INTS6: variants seen among roughly 807,000 people sequenced by gnomAD.
INTS6 encodes the protein integrator complex subunit 6, also known as DEAD box protein.
A neutral mutation model predicts 104.9 loss-of-function variants in INTS6; 16 were observed. That is an observed-to-expected ratio of 0.15 (90% confidence interval 0.10 to 0.23). The LOEUF (loss-of-function observed/expected upper bound fraction) is 0.23. Ranked by LOEUF, INTS6 falls within the 10% of genes least tolerant of loss-of-function variation. The probability of loss-of-function intolerance (pLI) is 1.00; values close to 1 mark genes in which losing one functional copy is unlikely to be tolerated. For synonymous variants in INTS6, 324 were observed against 358.7 expected (o/e 0.90, Z 1.09); for missense variants, 584 against 1,062.8 (o/e 0.55, Z 6.26).
At chr13:51,432,810 T>C (rs772161845) in intron 3 of INTS6, among the ~76,000 whole-genome samples, 1 of 152,200 alleles carries the variant, frequency 6.6e-6, no homozygotes, top group Non-Finnish European at 1.5e-5. Flanking sequence ...ATCCACTATC[T>C]ACTCATTCGT....
chr13:51,411,708 A>C (rs1049402086), intron 4 of INTS6, among the ~76,000 whole-genome samples: 1 of 152,236 alleles, frequency 6.6e-6, no homozygotes, highest in Non-Finnish European at 1.5e-5. Context: ...GGACTCTCAT[A>C]CATTCCTGGT....
At chr13:51,423,701 C>T (rs920865279) in intron 4 of INTS6, among the ~76,000 whole-genome samples, 10 of 152,068 alleles carry the variant, frequency 6.6e-5, no homozygotes, top group African/African-American at 2.2e-4. Context: ...CTTGGAAACC[C>T]GTTCCCAAAT....
Position 51,361,750 on chromosome 13 carries a change from A to G in INTS6, c.*4002T>C. 1 of 1,422,158 alleles carries G rather than the reference A, an allele frequency of 7.0e-7. No individual in the cohort carries two copies. Among genetic ancestry groups the G allele is most frequent in the South Asian group, 1.3e-5 (1 of 75,494 alleles). 88.1% of individuals were successfully genotyped at this position (1,422,158 alleles called of 1,614,324 possible). On this transcript the variant is annotated 3_prime_UTR_variant, in exon 18 of 18. Transcript: ENST00000311234. Reference sequence around the variant, plus strand: ...AAAAAATTAACTTACTTCATAACCAATAGTTATTTTCTTAAAAATGCACAG... The same window carrying G: ...AAAAAATTAACTTACTTCATAACCAGTAGTTATTTTCTTAAAAATGCACAG...
At chr13:51,340,356 A>T in the INTS6 span, among the ~76,000 whole-genome samples, 2 of 152,212 alleles carry the variant, frequency 1.3e-5, no homozygotes, top group African/African-American at 4.8e-5. Context: ...TGGGGTAGGA[A>T]CTATCTTTGT....
intron 4 of INTS6, chr13:51,421,367 A>C: frequency 3.4e-6 from 3 of 872,918 alleles, no homozygotes; most frequent in Non-Finnish European, 4.1e-6. Context: ...AACCACAACA[A>C]ACAAAACAAA....
chr13:51,435,475 G>A (rs1957170133), intron 3 of INTS6, among the ~76,000 whole-genome samples: 1 of 151,754 alleles, frequency 6.6e-6, no homozygotes, highest in East Asian at 1.9e-4. Flanking sequence ...AATTACCATG[G>A]TGTTAAATTA....
intron 4 of INTS6, among the ~76,000 whole-genome samples, chr13:51,406,848 G>A (rs1156335263): frequency 2.0e-5 from 3 of 151,496 alleles, no homozygotes; most frequent in African/African-American, 7.3e-5. Context: ...TTTGAATGTG[G>A]CCCAACACAA....
chr13:51,431,942 G>A (rs1007718075), intron 3 of INTS6, among the ~76,000 whole-genome samples: 1 of 151,874 alleles, frequency 6.6e-6, no homozygotes, highest in Non-Finnish European at 1.5e-5. Flanking sequence ...ACATTATATT[G>A]TCTCTCATAC....
chr13:51,404,362 A>G (rs1593715970), intron 4 of INTS6, among the ~76,000 whole-genome samples: 1 of 151,974 alleles, frequency 6.6e-6, no homozygotes, highest in South Asian at 2.1e-4. Context: ...TTTCCATGCT[A>G]ATGTAAGTCA....
intron 5 of INTS6, among the ~76,000 whole-genome samples, chr13:51,390,410 AT>A (rs1956225877): frequency 6.6e-6 from 1 of 151,872 alleles, no homozygotes; most frequent in Non-Finnish European, 1.5e-5. Flanking sequence ...TCTATTTTTA[AT>A]TTTTAAAGTG....
downstream of INTS6, among the ~76,000 whole-genome samples, chr13:51,351,879 C>A (rs572357016): frequency 6.6e-5 from 10 of 152,112 alleles, no homozygotes; most frequent in South Asian, 2.1e-3. Context: ...GTCCCAATAT[C>A]ATTTGTTAAA....
At chr13:51,348,534 T>C in the INTS6 span, 3 of 727,234 alleles carry the variant, frequency 4.1e-6, no homozygotes, top group South Asian at 1.8e-5. Context: ...GTTTAATATG[T>C]ATCCCCAGAA....
intron 6 of INTS6, 136 bp downstream of exon 6, chr13:51,389,183 C>T: frequency 2.6e-6 from 2 of 770,564 alleles, no homozygotes; most frequent in Non-Finnish European, 2.0e-6. Flanking sequence ...TTTAATCTTC[C>T]CTCTTTACCA....
intron 4 of INTS6, among the ~76,000 whole-genome samples, chr13:51,397,776 C>T (rs1270125825): frequency 2.0e-5 from 3 of 152,004 alleles, no homozygotes; most frequent in Non-Finnish European, 4.4e-5. Context: ...ATACATGGAA[C>T]TGTCTTGAGA....
intron 3 of INTS6, chr13:51,447,125 C>T (rs1952935137): frequency 1.3e-5 from 2 of 152,164 alleles, no homozygotes; most frequent in East Asian, 1.9e-4. Context: ...ATATTCAACA[C>T]AGCAGTATTT....
rs1284921340 is a variant in INTS6 at position 51,379,579 on chromosome 13, G to A, written c.1276-7C>T. 4 of 1,481,716 alleles carry A rather than the reference G, an allele frequency of 2.7e-6. No homozygotes were observed. Among genetic ancestry groups the A allele is most frequent in the Non-Finnish European group, 3.7e-6 (4 of 1,081,056 alleles). 91.8% of individuals were successfully genotyped at this position (1,481,716 alleles called of 1,614,324 possible). A position where few individuals can be genotyped will look rare whatever the true frequency, so the allele number is the denominator to read the frequency against. ...TAACAGCTTTCTTCAAGGGCTATAG[G>A]AAAAAAGAAAACATCATTCAATATT... is the stretch of plus-strand genomic sequence containing the variant. On this transcript the variant is annotated splice_polypyrimidine_tract_variant and splice_region_variant and intron_variant, in intron 10 of 17. Transcript: ENST00000311234.
chr13:51,382,325 G>A (rs1038749428), intron 9 of INTS6, among the ~76,000 whole-genome samples: 2 of 152,196 alleles, frequency 1.3e-5, no homozygotes, highest in Non-Finnish European at 2.9e-5. Flanking sequence ...AAAAGTACAT[G>A]CAGGAATTAA....
downstream of INTS6, chr13:51,361,461 C>T (rs1182254887): frequency 2.5e-6 from 2 of 808,164 alleles, no homozygotes; most frequent in Non-Finnish European, 4.1e-6. Context: ...TTTCCATAAC[C>T]CCCAAGTTCA....
At position 51,404,063 on chromosome 13, in the gene INTS6, T is replaced by TACACACACACACAC. The variant is rs71085082; in HGVS notation, c.430-8594_430-8581dup. Among the ~76,000 whole-genome samples, 175 of 109,638 alleles carry TACACACACACACAC rather than the reference T, an allele frequency of 1.6e-3. 1 individual carries two copies. Among genetic ancestry groups the TACACACACACACAC allele is most frequent in the Middle Eastern group, 0.013 (3 of 226 alleles). 71.9% of individuals were successfully genotyped at this position (109,638 alleles called of 152,430 possible). Reference sequence around the variant, plus strand: ...CATAGTGAGATCCTATCTCTACAAATACACACACACACACACACACACACA... The same window carrying TACACACACACACAC: ...CATAGTGAGATCCTATCTCTACAAATACACACACACACACACACACACACACACACACACACACA... On this transcript the variant is annotated intron_variant, in intron 4 of 17. Transcript: ENST00000311234.
Sources: gnomAD v4.1 joint callset for allele counts (sites outside exome capture counted in the v4.1 genomes callset) on GRCh38, gnomAD v4.1.1 for gene constraint, MANE v1.5 for transcripts, NCBI Gene and HGNC (gene_info 2026-07-23, HGNC 2026-07-21) for gene names.